Variants in HIBADH observed in about 807,000 individuals in gnomAD.
HIBADH encodes 3-hydroxyisobutyrate dehydrogenase.
A neutral mutation model predicts 36.1 loss-of-function variants in HIBADH; 25 were observed. The observed-to-expected ratio is 0.69, with a 90% CI of 0.50 to 0.97. The LOEUF (loss-of-function observed/expected upper bound fraction) is 0.97, where lower values mean the gene tolerates loss of function less well. Among genes scored for constraint, HIBADH ranks in the 50% least tolerant of loss-of-function variants. The pLI, the probability that HIBADH is intolerant of heterozygous loss-of-function variation, is 0.00. For synonymous variants in HIBADH, 160 were observed against 149.5 expected (o/e 1.07, Z -0.51); for missense variants, 421 against 418.0 (o/e 1.01, Z -0.06).
intron 2 of HIBADH, among the ~76,000 whole-genome samples, chr7:27,648,669 A>T (rs1786121296): frequency 6.6e-6 from 1 of 152,228 alleles, no homozygotes; most frequent in Admixed American, 6.5e-5. Flanking sequence ...CTATATTCGG[A>T]TACTGATACA....
At chr7:27,651,527 A>C (rs1245787762) in intron 1 of HIBADH, among the ~76,000 whole-genome samples, 1 of 152,252 alleles carries the variant, frequency 6.6e-6, no homozygotes, top group African/African-American at 2.4e-5. Context: ...TAGCAATAAT[A>C]GCCAGAAAGA....
chr7:27,584,774 G>A (rs1784834842), intron 4 of HIBADH, among the ~76,000 whole-genome samples: 1 of 151,900 alleles, frequency 6.6e-6, no homozygotes, highest in African/African-American at 2.4e-5. Context: ...GCTTCATCAA[G>A]GAACATTAAG....
intron 4 of HIBADH, among the ~76,000 whole-genome samples, chr7:27,608,587 A>C (rs1237686030): frequency 2.6e-5 from 4 of 152,186 alleles, no homozygotes; most frequent in Non-Finnish European, 4.4e-5. Flanking sequence ...TCTCAATTAC[A>C]TCTCCTCCTC....
chr7:27,616,932 T>C (rs1785441313), intron 4 of HIBADH, among the ~76,000 whole-genome samples: 1 of 152,214 alleles, frequency 6.6e-6, no homozygotes, highest in African/African-American at 2.4e-5. Context: ...TTTTTAGAAA[T>C]TTAAGTTTGT....
rs527544081 is a variant in HIBADH, at chr7:27,559,665, T to A, written c.485-16565A>T. ...AAACAACAATAACAAAAAAACCCTA[T>A]GAGTAGGGAATCACAAAAACTATAT... On this transcript the variant is annotated intron_variant, in intron 4 of 7. Transcript: ENST00000265395. Among the ~76,000 whole-genome samples the A allele has an allele frequency of 7.1e-4, 108 of 152,024 alleles. 1 individual carries two copies. Among genetic ancestry groups the A allele is most frequent in the South Asian group, 6.0e-3 (29 of 4,806 alleles).
chr7:27,543,059 C>G lies in HIBADH; in HGVS notation c.526G>C (p.Gly176Arg). 6.2e-7 allele frequency: 1 copy of G among 1,613,690 alleles called. No individual in the cohort carries two copies. Among genetic ancestry groups the G allele is most frequent in the Non-Finnish European group, 8.5e-7 (1 of 1,179,804 alleles). Residue 176 changes from glycine (G) to arginine (R), a missense_variant, in exon 5 of 8, where the codon GGA (glycine) becomes CGA (arginine). Transcript: ENST00000265395. ...ARSGNLTFMV[G>R]GVEDEFAAAQ... is the part of the protein sequence containing the mutation. ...GCAGCAAATTCATCTTCAACTCCTC[C>G]CACCATAAACGTGAGGTTCCCAGAT...
At chr7:27,646,333 C>A (rs1288891255) in intron 2 of HIBADH, among the ~76,000 whole-genome samples, 1 of 152,128 alleles carries the variant, frequency 6.6e-6, no homozygotes, top group Non-Finnish European at 1.5e-5. Context: ...AAATGTCTTT[C>A]ACATTAATTT....
intron 4 of HIBADH, among the ~76,000 whole-genome samples, chr7:27,552,563 AC>A (rs1234403445): frequency 1.3e-5 from 2 of 152,334 alleles, no homozygotes; most frequent in African/African-American, 4.8e-5. Context: ...TGCACAAAGC[AC>A]CACTGTATCC....
chr7:27,654,960 C>T (rs774822467), intron 1 of HIBADH, among the ~76,000 whole-genome samples: 1 of 152,094 alleles, frequency 6.6e-6, no homozygotes, highest in Non-Finnish European at 1.5e-5. Context: ...GTTCTAGGAG[C>T]GCAGGCGTGA....
chr7:27,602,819 C>T (rs1785154715), intron 4 of HIBADH, among the ~76,000 whole-genome samples: 1 of 152,094 alleles, frequency 6.6e-6, no homozygotes, highest in Non-Finnish European at 1.5e-5. Flanking sequence ...TCATTATTTA[C>T]TCTTTCCTAC....
At position 27,629,446 on chromosome 7, in the gene HIBADH, G is replaced by C; in HGVS notation, c.409C>G (p.Pro137Ala). ...TTGGCCAATTCTTTTGAAACTGCAG[G>C]ATCAATAGTGCTGGAATCTATTAAT... ...SLLIDSSTID[P>A]AVSKELAKEV... is the part of the protein sequence containing the mutation. The change falls in exon 4 of 8, where the codon CCT becomes GCT. Residue 137 changes from proline to alanine, a missense_variant. By Grantham distance (27) the Pro-to-Ala change is conservative. Coordinates refer to ENST00000265395, the MANE Select transcript of HIBADH (RefSeq NM_152740.4). The C allele has an allele frequency of 6.2e-7, 1 of 1,607,574 alleles. No homozygotes were observed. The highest frequency in any genetic ancestry group is 8.5e-7 in the Non-Finnish European group (1 of 1,175,508).
At chr7:27,545,243 C>T (rs1362238911) in intron 4 of HIBADH, among the ~76,000 whole-genome samples, 1 of 152,062 alleles carries the variant, frequency 6.6e-6, no homozygotes, top group African/African-American at 2.4e-5. Context: ...AAGTTTGAGA[C>T]CAGCCTGGGC....
chr7:27,635,319 G>A (rs972927855), intron 2 of HIBADH, among the ~76,000 whole-genome samples: 14 of 152,174 alleles, frequency 9.2e-5, no homozygotes, highest in African/African-American at 3.4e-4. Context: ...AAAGCCTTTA[G>A]AAGCCAAACT....
chr7:27,576,721 A>G (rs527246011), intron 4 of HIBADH, among the ~76,000 whole-genome samples: 1 of 152,338 alleles, frequency 6.6e-6, no homozygotes, highest in African/African-American at 2.4e-5. Context: ...TGGCAAATAC[A>G]AAATGCCAAA....
intron 4 of HIBADH, among the ~76,000 whole-genome samples, chr7:27,580,311 G>C (rs1218546811): frequency 2.0e-5 from 3 of 152,300 alleles, no homozygotes; most frequent in Admixed American, 2.0e-4. Context: ...GATTTGTACA[G>C]ATCTATTCAC....
At chr7:27,638,708 C>G (rs1785902419) in intron 2 of HIBADH, among the ~76,000 whole-genome samples, 1 of 152,104 alleles carries the variant, frequency 6.6e-6, no homozygotes, top group Non-Finnish European at 1.5e-5. Context: ...CCACAAAGGT[C>G]TACTACTCAG....
chr7:27,631,580 A>T (rs1480321205), intron 3 of HIBADH, among the ~76,000 whole-genome samples: 1 of 152,206 alleles, frequency 6.6e-6, no homozygotes, highest in Non-Finnish European at 1.5e-5. Context: ...TTCAATCACT[A>T]TCATCCTAAC....
intron 4 of HIBADH, among the ~76,000 whole-genome samples, chr7:27,588,448 C>T (rs372649810): frequency 1.3e-5 from 2 of 152,166 alleles, no homozygotes; most frequent in African/African-American, 4.8e-5. Context: ...CCTGCCTCAG[C>T]CTCCCGAGTA....
intron 4 of HIBADH, among the ~76,000 whole-genome samples, chr7:27,545,495 A>G (rs1452743696): frequency 6.6e-6 from 1 of 152,190 alleles, no homozygotes; most frequent in Non-Finnish European, 1.5e-5. Context: ...TTTTGAACTT[A>G]GGAAAGAATA....
Sources: allele counts gnomAD v4.1 joint callset (sites outside exome capture counted in the v4.1 genomes callset), GRCh38; gene constraint gnomAD v4.1.1; transcripts MANE v1.5; gene names NCBI Gene and HGNC (gene_info 2026-07-23, HGNC 2026-07-21).